MYO3A: variants seen among roughly 807,000 people sequenced by gnomAD.
MYO3A encodes the protein myosin-IIIa.
Under a neutral mutation model 192.7 loss-of-function variants are expected in MYO3A, and 180 were observed. That is an observed-to-expected ratio of 0.93 (90% CI 0.83 to 1.06). MYO3A has a LOEUF of 1.06. Ranked by LOEUF, MYO3A falls within the 50% of genes least tolerant of loss-of-function variation. The probability of loss-of-function intolerance (pLI) is 0.00; values close to 1 mark genes in which losing one functional copy is unlikely to be tolerated. For missense variants in MYO3A, 1,896 were observed against 1,905.0 expected (o/e 1.00, Z 0.09); for synonymous variants, 628 against 645.3 (o/e 0.97, Z 0.41).
intron 4 of MYO3A, among the ~76,000 whole-genome samples, chr10:25,967,892 A>G (rs1039213918): frequency 2.6e-5 from 4 of 152,196 alleles, no homozygotes; most frequent in Non-Finnish European, 4.4e-5. Context: ...AAGCTGTTCA[A>G]ACTGAAGCAT....
At chr10:26,114,744 G>C (rs2176941) in intron 17 of MYO3A, among the ~76,000 whole-genome samples, 48,127 of 152,076 alleles carry the variant, frequency 0.32, 7,814 homozygotes, top group Middle Eastern at 0.45. Context: ...AGTACTACCT[G>C]TGTACCAGGC....
intron 10 of MYO3A, among the ~76,000 whole-genome samples, chr10:26,062,409 C>T (rs771244890): frequency 1.3e-5 from 2 of 148,830 alleles, no homozygotes; most frequent in Non-Finnish European, 3.0e-5. Context: ...CTCAGCTACT[C>T]GGGAGGCTGA....
chr10:26,038,143 C>A (rs561988761), intron 10 of MYO3A, among the ~76,000 whole-genome samples: 8 of 152,208 alleles, frequency 5.3e-5, no homozygotes, highest in African/African-American at 1.7e-4. Context: ...GTGATTCCAC[C>A]AGTTTTGTTA....
At chr10:25,985,255 A>AAAAAAAAAAAG (rs745441105) in intron 4 of MYO3A, among the ~76,000 whole-genome samples, 1 of 147,456 alleles carries the variant, frequency 6.8e-6, no homozygotes, top group Non-Finnish European at 1.5e-5. Context: ...AAAAAAAAAA[A>AAAAAAAAAAAG]AAATTCTGAA....
chr10:26,165,947 C>G, intron 26 of MYO3A, 120 bp from the exon 27 acceptor site: 1 of 858,590 alleles, frequency 1.2e-6, no homozygotes, highest in South Asian at 1.3e-5. Flanking sequence ...TAAAGGATTT[C>G]TCCGCATCAA....
intron 31 of MYO3A, among the ~76,000 whole-genome samples, chr10:26,181,625 G>A (rs1842621408): frequency 6.6e-6 from 1 of 151,890 alleles, no homozygotes; most frequent in Non-Finnish European, 1.5e-5. Context: ...AAAATAAAAA[G>A]TCAAACCCAC....
chr10:25,943,463 T>C (rs893671006), intron 2 of MYO3A, among the ~76,000 whole-genome samples: 2 of 152,132 alleles, frequency 1.3e-5, no homozygotes, highest in African/African-American at 4.8e-5. Flanking sequence ...TAGATCACTT[T>C]GGGAAATATT....
chr10:25,944,920 T>G (rs1052715603), intron 2 of MYO3A, among the ~76,000 whole-genome samples: 2 of 152,066 alleles, frequency 1.3e-5, no homozygotes, highest in African/African-American at 4.8e-5. Context: ...CTACTTTTTT[T>G]GTCACCTTTA....
At chr10:26,209,925 G>GC (rs1351721813) in intron 34 of MYO3A, among the ~76,000 whole-genome samples, 2 of 151,968 alleles carry the variant, frequency 1.3e-5, no homozygotes, top group African/African-American at 4.8e-5. Flanking sequence ...GTGGGATCCT[G>GC]TCTTTACAAA....
chr10:26,200,794 C>T (rs1164625239), intron 32 of MYO3A: 1 of 152,362 alleles, frequency 6.6e-6, no homozygotes, highest in Non-Finnish European at 1.5e-5. Flanking sequence ...TATGAAGTCA[C>T]AATTCCATTC....
chr10:25,941,895 G>T (rs183454465), intron 2 of MYO3A, among the ~76,000 whole-genome samples: 1 of 151,986 alleles, frequency 6.6e-6, no homozygotes, highest in African/African-American at 2.4e-5. Flanking sequence ...TCAACATAAC[G>T]TCTTCTCGGC....
At chr10:26,037,349 G>A (rs1217933793) in intron 10 of MYO3A, among the ~76,000 whole-genome samples, 1 of 152,156 alleles carries the variant, frequency 6.6e-6, no homozygotes, top group Non-Finnish European at 1.5e-5. Context: ...AGAATGCCTT[G>A]ATATGGCTTT....
intron 31 of MYO3A, among the ~76,000 whole-genome samples, chr10:26,177,407 G>A (rs1274789779): frequency 6.6e-6 from 1 of 152,182 alleles, no homozygotes; most frequent in Admixed American, 6.5e-5. Context: ...GGTACACCCT[G>A]TAGTCTCTGG....
At chr10:25,954,676 T>C (rs1236765555) in intron 3 of MYO3A, among the ~76,000 whole-genome samples, 198 bp from the exon 4 acceptor site, 3 of 152,114 alleles carry the variant, frequency 2.0e-5, no homozygotes, top group Admixed American at 2.0e-4. Context: ...TAACTTGAGA[T>C]TCACTTGATT....
At position 26,021,544 on chromosome 10, in the gene MYO3A, C is replaced by T; in HGVS notation, c.627C>T (p.Ala209=). ...AGCAATTGGATACCACTTATGACGC[C>T]AGATGTGACACTTGGTCCCTGGGTA... ...CEQQLDTTYD[A]RCDTWSLGIT... Residue 209 remains alanine, a synonymous_variant, in exon 8 of 35, where the codon GCC becomes GCT. Transcript: ENST00000642920. 6.2e-7 allele frequency: 1 copy of T among 1,614,102 alleles called. No homozygotes were observed. The highest frequency in any genetic ancestry group is 1.3e-5 in the African/African-American group (1 of 75,042).
chr10:26,168,019 G>A (rs779138037), intron 27 of MYO3A, among the ~76,000 whole-genome samples: 2 of 152,306 alleles, frequency 1.3e-5, no homozygotes, highest in South Asian at 2.1e-4. Context: ...ATGAGAACAC[G>A]CCAAGCCTTC....
chr10:26,134,871 A>G (rs979540529), intron 20 of MYO3A, among the ~76,000 whole-genome samples: 1 of 152,186 alleles, frequency 6.6e-6, no homozygotes, highest in Non-Finnish European at 1.5e-5. Context: ...ATGAATAGGC[A>G]CACTCATTTG....
Position 26,170,632 on chromosome 10 carries a change from G to C in MYO3A, c.3398+93G>C, listed in dbSNP as rs888633910. 7 of 1,389,240 alleles carry C rather than the reference G, an allele frequency of 5.0e-6. No individual in the cohort carries two copies. In the African/African-American group the frequency reaches 8.6e-5, roughly 17 times the overall value. The allele number at this position is 1,389,240 out of a possible 1,614,324, so 86.1% of individuals were successfully genotyped here. A position where few individuals can be genotyped will look rare whatever the true frequency, so the allele number is the denominator to read the frequency against. ...AATGTTCACAGCCTTTCTTGTACTA[G>C]TCAGGTTCCTGATACTGACACATCA... On this transcript the variant is annotated intron_variant, in intron 29 of 34. Coordinates refer to ENST00000642920, the MANE Select transcript of MYO3A (RefSeq NM_017433.5).
At chr10:26,184,219 A>C (rs1324155508) in intron 31 of MYO3A, among the ~76,000 whole-genome samples, 1 of 152,242 alleles carries the variant, frequency 6.6e-6, no homozygotes, top group Admixed American at 6.5e-5. Context: ...GGCCAAGGGC[A>C]GATGAGGTGA....
Sources: allele counts gnomAD v4.1 joint callset (sites outside exome capture counted in the v4.1 genomes callset), GRCh38; gene constraint gnomAD v4.1.1; transcripts MANE v1.5; gene names NCBI Gene and HGNC (gene_info 2026-07-23, HGNC 2026-07-21).